NUP62: variants seen among roughly 807,000 people sequenced by gnomAD.
The protein encoded by NUP62 is nuclear pore glycoprotein p62.
For missense variants in NUP62, 647 were observed against 689.4 expected (o/e 0.94, Z 0.69); for synonymous variants, 305 against 303.4 (o/e 1.01, Z -0.05).
intron 2 of NUP62, among the ~76,000 whole-genome samples, chr19:49,922,609 C>T (rs1206263007): frequency 2.0e-5 from 3 of 151,916 alleles, no homozygotes; most frequent in Admixed American, 1.3e-4. Context: ...GAGGGGAAGT[C>T]ACAGAGGGCC....
At position 49,907,294 on chromosome 19, in the gene NUP62, G is replaced by C; in HGVS notation, c.*945C>G. 3.3e-6 allele frequency: 1 copy of C among 299,740 alleles called. No homozygotes were observed. Among genetic ancestry groups the C allele is most frequent in the Admixed American group, 5.0e-5 (1 of 20,068 alleles). 18.6% of individuals were successfully genotyped at this position (299,740 alleles called of 1,614,324 possible). On this transcript the variant is annotated 3_prime_UTR_variant, in exon 3 of 3. Coordinates refer to ENST00000352066, the MANE Select transcript of NUP62 (RefSeq NM_016553.5). The stretch of plus-strand genomic sequence containing the variant: ...TTCGGGTAGCTGGGAAGGCTTCCTG[G>C]AGGAGGTGAGGCCCAAGGTGGGGGT...
At chr19:49,925,193 AGAGGTTGCGGTGAGCC>A (rs1424587378) in intron 2 of NUP62, among the ~76,000 whole-genome samples, 1 of 152,136 alleles carries the variant, frequency 6.6e-6, no homozygotes, top group Non-Finnish European at 1.5e-5. Flanking sequence ...CCCAGGAGGC[AGAGGTTGCGGTGAGCC>A]GAGATGGCAC....
chr19:49,909,885 C>A lies in NUP62; in HGVS notation c.-77-1G>T, dbSNP rs2075419442. Reference sequence around the variant, plus strand: ...GGTGTCTGCAGCCTTGGGAAGATTTCTAAAGCAGAGGAAGTGACATTGTCA... The same window carrying A: ...GGTGTCTGCAGCCTTGGGAAGATTTATAAAGCAGAGGAAGTGACATTGTCA... On this transcript the variant is annotated splice_acceptor_variant, in intron 2 of 2. Transcript: ENST00000352066. LOFTEE classifies it low-confidence loss of function (5UTR_SPLICE). 2.0e-6 allele frequency: 3 copies of A among 1,491,086 alleles called. No homozygotes were observed. The highest frequency in any genetic ancestry group is 2.3e-5 in the South Asian group (2 of 86,670). The allele number at this position is 1,491,086 out of a possible 1,614,324, so 92.4% of individuals were successfully genotyped here. A position where few individuals can be genotyped will look rare whatever the true frequency, so the allele number is the denominator to read the frequency against.
chr19:49,910,788 A>C (rs2075444391), intron 2 of NUP62, among the ~76,000 whole-genome samples: 1 of 152,204 alleles, frequency 6.6e-6, no homozygotes, highest in African/African-American at 2.4e-5. Flanking sequence ...CATTCAGTTC[A>C]AACTGACTTG....
At position 49,908,217 on chromosome 19, in the gene NUP62, C is replaced by T. The variant is rs760945372; in HGVS notation, c.*22G>A. 174 of 1,610,474 alleles carry T rather than the reference C, an allele frequency of 1.1e-4. No homozygotes were observed. Among genetic ancestry groups the T allele is most frequent in the Non-Finnish European group, 1.3e-4 (159 of 1,179,648 alleles). On this transcript the variant is annotated 3_prime_UTR_variant, in exon 3 of 3. Coordinates refer to ENST00000352066, the MANE Select transcript of NUP62 (RefSeq NM_016553.5). ...CCCTCATGAACTCCCTAGGGACCTG[C>T]GGGCCCCAGGGCTGCTGTCGCTCAG...
Position 49,921,828 on chromosome 19 carries a change from C to A in NUP62, c.-78+5866G>T, listed in dbSNP as rs902282637. Reference sequence around the variant, plus strand: ...CAAGCCCGGGTACTTTCCTCCGTGCCCAAGCAACCCTGTAGGAACCACATA... The same window carrying A: ...CAAGCCCGGGTACTTTCCTCCGTGCACAAGCAACCCTGTAGGAACCACATA... On this transcript the variant is annotated intron_variant, in intron 2 of 2. Transcript: ENST00000352066. This position sits in a 1 kb window ranked among gnomAD's most constrained non-coding sequence, Gnocchi z 5.4. 2.6e-5 allele frequency among the ~76,000 whole-genome samples: 4 copies of A among 152,198 alleles called. No homozygotes were observed. The highest frequency in any genetic ancestry group is 9.7e-5 in the African/African-American group (4 of 41,448).
At chr19:49,916,689 G>A (rs1046293980) in intron 2 of NUP62, among the ~76,000 whole-genome samples, 2 of 151,384 alleles carry the variant, frequency 1.3e-5, no homozygotes, top group African/African-American at 2.4e-5. Context: ...GCATCAACCC[G>A]GGAGGCGGAG....
chr19:49,909,757 C>T lies in NUP62; in HGVS notation c.51G>A (p.Thr17=), dbSNP rs201611239. 23 of 1,614,024 alleles carry T rather than the reference C, an allele frequency of 1.4e-5. No homozygotes were observed. The highest frequency in any genetic ancestry group is 5.0e-5 in the Admixed American group (3 of 59,988). The part of the protein sequence containing the change: ...GGTGAPTGGF[T]FGTAKTATTT... ...TTGTTGCCGTCTTTGCAGTGCCAAA[C>T]GTGAACCCGCCTGTAGGGGCCCCAG... The change falls in exon 3 of 3, where the codon ACG becomes ACA. Residue 17 remains threonine, a synonymous_variant. Coordinates refer to ENST00000352066, the MANE Select transcript of NUP62 (RefSeq NM_016553.5).
Position 49,909,254 on chromosome 19 carries a change from G to A in NUP62, c.554C>T (p.Pro185Leu). ...SAGNSAQPTA[P>L]ATLPFTPATP... ...GGCCGGAGTGAAGGGCAACGTGGCA[G>A]GTGCCGTGGGCTGGGCTGAATTCCC... The change falls in exon 3 of 3, where the codon CCT (proline) becomes CTT (leucine). Residue 185 changes from proline to leucine, a missense_variant. Transcript: ENST00000352066. The A allele has an allele frequency of 1.9e-6, 3 of 1,614,114 alleles. No individual in the cohort carries two copies. Among genetic ancestry groups the A allele is most frequent in the Non-Finnish European group, 2.5e-6 (3 of 1,180,018 alleles).
intron 2 of NUP62, among the ~76,000 whole-genome samples, chr19:49,926,781 G>A (rs1420373197): frequency 6.6e-6 from 1 of 151,728 alleles, no homozygotes; most frequent in Non-Finnish European, 1.5e-5. Flanking sequence ...CACCTACTGT[G>A]TCCCAGGCGT....
chr19:49,920,409 T>G (rs7246947), intron 2 of NUP62, among the ~76,000 whole-genome samples: 49,981 of 152,046 alleles, frequency 0.33, 8,581 homozygotes, highest in East Asian at 0.41. Flanking sequence ...GTGATGAAAA[T>G]GTTCTAAAAT....
In NUP62 at chr19:49,909,397, G is replaced by A. The variant is rs377567291; in HGVS notation, c.411C>T (p.Pro137=). The A allele has an allele frequency of 4.3e-6, 7 of 1,613,726 alleles. No homozygotes were observed. The African/African-American group carries it at 9.3e-5, about 22-fold the overall frequency. The stretch of plus-strand genomic sequence containing the variant: ...TGGAGGGGCCAAACACAAAGCCGGT[G>A]GGTGCTGTGCCCTGGCTGGAGGTGA... ...STVTSSQGTA[P]TGFVFGPSTT... Residue 137 remains proline, a synonymous_variant, in exon 3 of 3, where the codon CCC becomes CCT. Transcript: ENST00000352066.
intron 2 of NUP62, among the ~76,000 whole-genome samples, chr19:49,919,996 C>T (rs141998588): frequency 5.7e-4 from 87 of 152,250 alleles, no homozygotes; most frequent in East Asian, 1.5e-3. Context: ...GGTGCAATCA[C>T]GCTCATAGCC....
chr19:49,928,617 C>T (rs377249129), intron 1 of NUP62: 1 of 151,910 alleles, frequency 6.6e-6, no homozygotes, highest in East Asian at 1.9e-4. Context: ...ACCCACCAGG[C>T]GAGTTGATTT....
intron 2 of NUP62, among the ~76,000 whole-genome samples, chr19:49,924,942 TCTC>T (rs773673972): frequency 2.0e-5 from 3 of 152,020 alleles, no homozygotes; most frequent in Non-Finnish European, 4.4e-5. Context: ...GCAATGCAAT[TCTC>T]CTACTGACCA....
rs1379855773 is a variant in NUP62, at chr19:49,908,246, A to G, written c.1562T>C (p.Phe521Ser). 2 of 1,613,230 alleles carry G rather than the reference A, an allele frequency of 1.2e-6. No homozygotes were observed. The highest frequency in any genetic ancestry group is 1.7e-6 in the Non-Finnish European group (2 of 1,180,014). The change falls in exon 3 of 3, where the codon TTT (phenylalanine) becomes TCT (serine). Residue 521 changes from phenylalanine to serine, a missense_variant. Transcript: ENST00000352066. ...KEQERSFRIT[F>S]D ...CCCCAGGGCTGCTGTCGCTCAGTCA[A>G]AGGTGATCCGGAAGCTGCGCTCCTG... is the stretch of plus-strand genomic sequence containing the variant.
chr19:49,920,847 C>T (rs367630519), intron 2 of NUP62, among the ~76,000 whole-genome samples: 16 of 152,264 alleles, frequency 1.1e-4, no homozygotes, highest in East Asian at 1.9e-4. Context: ...GGGGGAGGAA[C>T]GGCGCACACC....
Position 49,908,565 on chromosome 19 carries a change from T to C in NUP62, c.1243A>G (p.Lys415Glu). ...AGGTAGATGGTCCCGCTCTGCTCCTTGACCAACTCCTCCAGTGGGCTCAGC... is the reference window on the plus strand; with the variant it reads ...AGGTAGATGGTCCCGCTCTGCTCCTCGACCAACTCCTCCAGTGGGCTCAGC... ...DLLSPLEELVKEQSGTIYLQH... is the reference protein window; with the variant it reads ...DLLSPLEELVEEQSGTIYLQH... Residue 415 changes from lysine to glutamate, a missense_variant, in exon 3 of 3, where the codon AAG becomes GAG. By Grantham distance (56) the Lys-to-Glu change is moderately conservative (BLOSUM62 1). Transcript: ENST00000352066. The C allele has an allele frequency of 6.2e-7, 1 of 1,614,196 alleles. No homozygotes were observed. The highest frequency in any genetic ancestry group is 1.3e-5 in the African/African-American group (1 of 75,066).
chr19:49,923,745 G>A (rs943240854), intron 2 of NUP62, among the ~76,000 whole-genome samples: 7 of 152,232 alleles, frequency 4.6e-5, no homozygotes, highest in Non-Finnish European at 8.8e-5. Context: ...CCCATTTTAC[G>A]GAGGGGAAAC....
Sources: allele counts gnomAD v4.1 joint callset (sites outside exome capture counted in the v4.1 genomes callset), GRCh38; gene constraint gnomAD v4.1.1; non-coding constraint Gnocchi (gnomAD v3.1); transcripts MANE v1.5; gene names NCBI Gene and HGNC (gene_info 2026-07-23, HGNC 2026-07-21).